RTEL1: variants seen among roughly 807,000 people sequenced by gnomAD.
The protein encoded by RTEL1 is regulator of telomere elongation helicase 1.
A neutral mutation model predicts 162.2 loss-of-function variants in RTEL1; 86 were observed. That is an observed-to-expected ratio of 0.53 (90% CI 0.45 to 0.63). The LOEUF is 0.63. RTEL1 is among the 30% of genes least tolerant of loss of function. The pLI is 0.00. For missense variants in RTEL1, 1,941 were observed against 1,750.2 expected, an observed-to-expected ratio of 1.11 and a Z score of -1.95; for synonymous variants, 958 against 717.9, an observed-to-expected ratio of 1.33 and a Z score of -5.35.
At chr20:63,676,442 G>T (rs1809472688) in intron 10 of RTEL1, among the ~76,000 whole-genome samples, 1 of 152,296 alleles carries the variant, frequency 6.6e-6, no homozygotes, top group South Asian at 2.1e-4. Context: ...CTATCAGAAG[G>T]CTCACAGTAT....
chr20:63,682,625 G>A (rs929786056), intron 14 of RTEL1: 2 of 985,720 alleles, frequency 2.0e-6, no homozygotes, highest in Non-Finnish European at 2.4e-6. Flanking sequence ...ACTGCACACA[G>A]TGCTCACCCG....
At chr20:63,681,476 C>G in intron 14 of RTEL1, 2 of 985,272 alleles carry the variant, frequency 2.0e-6, no homozygotes, top group Non-Finnish European at 2.4e-6. Context: ...GCTGGCCACA[C>G]GAGATCATGG....
rs1469195183 is a variant in RTEL1 at position 63,689,561 on chromosome 20, C to T, written c.1938C>T (p.Leu646=). 1.2e-6 allele frequency: 2 copies of T among 1,611,902 alleles called. No homozygotes were observed. Among genetic ancestry groups the T allele is most frequent in the Non-Finnish European group, 1.7e-6 (2 of 1,179,648 alleles). The stretch of plus-strand genomic sequence containing the variant: ...GCCGTGGTGTGATTGTCACGGGCCT[C>T]CCGTACCCCCCACGCATGGACCCCC... ...TNGRGVIVTG[L]PYPPRMDPRV... Residue 646 remains leucine, a synonymous_variant, in exon 23 of 35, where the codon CTC becomes CTT. Coordinates refer to ENST00000360203, the MANE Select transcript of RTEL1 (RefSeq NM_001283009.2).
rs1569083741 is a variant in RTEL1, at chr20:63,666,007, A to G, written c.542A>G (p.Lys181Arg). ...TACCCCTGCCTCACACCTGCAGAAA[A>G]AAGCCTGGAGCAGGAGCTGGCCAGC... Reference protein sequence around the residue: ...SCHFYNNVEEKSLEQELASPI... With the variant: ...SCHFYNNVEERSLEQELASPI... Residue 181 changes from lysine (K) to arginine (R), a missense_variant, in exon 7 of 35, where the codon AAA (lysine) becomes AGA (arginine). Lys to Arg is a conservative substitution (Grantham distance 26, BLOSUM62 2). Coordinates refer to ENST00000360203, the MANE Select transcript of RTEL1 (RefSeq NM_001283009.2). 1.9e-6 allele frequency: 3 copies of G among 1,614,006 alleles called. No individual in the cohort carries two copies. The highest frequency in any genetic ancestry group is 2.2e-5 in the South Asian group (2 of 91,070).
intron 1 of RTEL1, chr20:63,658,675 G>A (rs1286747194): frequency 6.6e-6 from 1 of 152,420 alleles, no homozygotes; most frequent in Non-Finnish European, 1.5e-5. Flanking sequence ...ACCGGGGCTG[G>A]AGGGAAGGGC....
intron 15 of RTEL1, 86 bp downstream of exon 15, chr20:63,685,683 C>T (rs1005828318): frequency 1.3e-6 from 2 of 1,584,964 alleles, no homozygotes; most frequent in Non-Finnish European, 8.6e-7. Context: ...AAGGTGGGGG[C>T]CACCTCCAGG....
In RTEL1 at chr20:63,692,822, T is replaced by A. The variant is rs750863266; in HGVS notation, c.2670T>A (p.Gly890=). ...LVSHPEEPVA[G]AQTDRAKLFM... is the part of the protein sequence containing the mutation. ...TCCTGCAGGAGGAGCCCGTGGCTGG[T>A]GCACAGACGGACAGGGCCAAGCTCT... The change falls in exon 29 of 35, where the codon GGT becomes GGA. Residue 890 remains glycine, a synonymous_variant. Coordinates refer to ENST00000360203, the MANE Select transcript of RTEL1 (RefSeq NM_001283009.2). 1.2e-6 allele frequency: 2 copies of A among 1,610,470 alleles called. No homozygotes were observed. Among genetic ancestry groups the A allele is most frequent in the South Asian group, 1.1e-5 (1 of 91,046 alleles).
chr20:63,695,818 A>AGCAGAGCGTCAT lies in RTEL1; in HGVS notation c.3868_3879dup (p.Ser1290_Gln1293dup). On this transcript the variant is annotated inframe_insertion, in exon 35 of 35. Coordinates refer to ENST00000360203, the MANE Select transcript of RTEL1 (RefSeq NM_001283009.2). Reference sequence around the variant, plus strand: ...CCAGCCTGCCACACCGCCTCCAGGAAGCAGAGCGTCATGCAGGTCTTCTGG... The same window carrying AGCAGAGCGTCAT: ...CCAGCCTGCCACACCGCCTCCAGGAAGCAGAGCGTCATGCAGAGCGTCATGCAGGTCTTCTGG... 6.2e-7 allele frequency: 1 copy of AGCAGAGCGTCAT among 1,600,778 alleles called. No homozygotes were observed. The highest frequency in any genetic ancestry group is 2.2e-5 in the East Asian group (1 of 44,500).
chr20:63,677,556 T>G (rs1034360089), intron 10 of RTEL1, among the ~76,000 whole-genome samples: 4 of 152,208 alleles, frequency 2.6e-5, no homozygotes, highest in Non-Finnish European at 5.9e-5. Flanking sequence ...GAGGTTGCAG[T>G]GAGCAGAGAT....
chr20:63,681,372 A>C (rs2090474386), intron 14 of RTEL1: 1 of 984,752 alleles, frequency 1.0e-6, no homozygotes, highest in African/African-American at 1.8e-5. Context: ...GCTTTTTTAG[A>C]AGCAGACTCA....
intron 2 of RTEL1, among the ~76,000 whole-genome samples, chr20:63,660,377 C>T (rs919493608): frequency 8.5e-5 from 13 of 152,236 alleles, no homozygotes; most frequent in African/African-American, 2.4e-4. Flanking sequence ...GAGGTCCCTG[C>T]GGCTTTCCGC....
chr20:63,662,570 C>T lies in RTEL1; in HGVS notation c.420C>T (p.Ser140=). The T allele has an allele frequency of 6.2e-7, 1 of 1,614,046 alleles. No individual in the cohort carries two copies. The highest frequency in any genetic ancestry group is 8.5e-7 in the Non-Finnish European group (1 of 1,180,018). The change falls in exon 5 of 35, where the codon TCC becomes TCT. Residue 140 remains serine (S), a synonymous_variant. Coordinates refer to ENST00000360203, the MANE Select transcript of RTEL1 (RefSeq NM_001283009.2). ...GGCCTAAGGTGTGTGTGCTGGGCTC[C>T]CGGGAGCAGCTGTGCATCCATCCTG... ...SYRPKVCVLG[S]REQLCIHPEV... is the part of the protein sequence containing the mutation.
At chr20:63,692,641 C>A in intron 28 of RTEL1, 164 bp from the exon 29 acceptor site, 1 of 659,990 alleles carries the variant, frequency 1.5e-6, no homozygotes, top group Non-Finnish European at 2.6e-6. Context: ...TTTCTTCCCG[C>A]AGCCCCTCCC....
chr20:63,684,800 G>GT (rs1221269231), intron 14 of RTEL1, among the ~76,000 whole-genome samples: 1 of 152,002 alleles, frequency 6.6e-6, no homozygotes, highest in African/African-American at 2.4e-5. Flanking sequence ...CTGCCCTGAC[G>GT]TTTTTTCCAT....
In RTEL1 at chr20:63,661,976, TC is replaced by T; in HGVS notation, c.395+35del. On this transcript the variant is annotated intron_variant, in intron 4 of 34. Coordinates refer to ENST00000360203, the MANE Select transcript of RTEL1 (RefSeq NM_001283009.2). This position sits in a 1 kb window ranked among gnomAD's most constrained non-coding sequence, Gnocchi z 5.1. ...AGACGAGTTTACACCTGTCTCGGGGTCCTCAAGAGAACCAGCTTGGCATGGT... is the reference window on the plus strand; with the variant it reads ...AGACGAGTTTACACCTGTCTCGGGGTCTCAAGAGAACCAGCTTGGCATGGT... The T allele has an allele frequency of 6.6e-7, 1 of 1,522,636 alleles. No homozygotes were observed. The highest frequency in any genetic ancestry group is 9.1e-7 in the Non-Finnish European group (1 of 1,097,006). 94.3% of individuals were successfully genotyped at this position (1,522,636 alleles called of 1,614,324 possible).
rs1375502785 is a variant in RTEL1, at chr20:63,692,988, C to A, written c.2836C>A (p.His946Asn). The stretch of plus-strand genomic sequence containing the variant: ...CCTCTTTGCTGAGGACCCCAAGAAG[C>A]ACAACCTGCTCCAAGGTGCCCTGGC... ...GPLFAEDPKK[H>N]NLLQGFYQFV... is the part of the protein sequence containing the mutation. Residue 946 changes from histidine (H) to asparagine (N), a missense_variant, in exon 29 of 35, where the codon CAC becomes AAC. By Grantham distance (68) the His-to-Asn change is moderately conservative (BLOSUM62 1). Coordinates refer to ENST00000360203, the MANE Select transcript of RTEL1 (RefSeq NM_001283009.2). 6.2e-7 allele frequency: 1 copy of A among 1,612,608 alleles called. No homozygotes were observed. The highest frequency in any genetic ancestry group is 1.7e-4 in the Middle Eastern group (1 of 6,056).
chr20:63,680,326 G>A (rs950053054), intron 13 of RTEL1, among the ~76,000 whole-genome samples: 1 of 152,212 alleles, frequency 6.6e-6, no homozygotes, highest in African/African-American at 2.4e-5. Flanking sequence ...GCTCTGGTTT[G>A]AGACGCCGGG....
In RTEL1 at chr20:63,695,431, T is replaced by A. The variant is rs779653630; in HGVS notation, c.3603T>A (p.Gly1201=). Residue 1201 remains glycine, a synonymous_variant, in exon 34 of 35, where the codon GGT becomes GGA. Coordinates refer to ENST00000360203, the MANE Select transcript of RTEL1 (RefSeq NM_001283009.2). ...TGGGGGCGGGCGGTGAGGATGCAGGTCCCAGCCAGTCCTCAGGACCTCCCC... is the reference window on the plus strand; with the variant it reads ...TGGGGGCGGGCGGTGAGGATGCAGGACCCAGCCAGTCCTCAGGACCTCCCC... ...GTVGAGGEDA[G]PSQSSGPPHG... is the part of the protein sequence containing the mutation. The A allele has an allele frequency of 8.3e-6, 13 of 1,570,418 alleles. No homozygotes were observed. The East Asian group carries it at 9.0e-5, about 11-fold the overall frequency.
At chr20:63,683,466 T>A (rs772579839) in intron 14 of RTEL1, among the ~76,000 whole-genome samples, 1 of 152,178 alleles carries the variant, frequency 6.6e-6, no homozygotes, top group South Asian at 2.1e-4. Context: ...GAAATTTCTC[T>A]CTCCTTCTGT....
Sources: gnomAD v4.1 joint callset for allele counts (sites outside exome capture counted in the v4.1 genomes callset) on GRCh38, gnomAD v4.1.1 for gene constraint, Gnocchi (gnomAD v3.1) non-coding constraint, MANE v1.5 for transcripts, NCBI Gene and HGNC (gene_info 2026-07-23, HGNC 2026-07-21) for gene names.